PHLPP2: variants seen among roughly 807,000 people sequenced by gnomAD.
PHLPP2 encodes PH domain leucine-rich repeat-containing protein phosphatase 2.
PHLPP2 carries 66 observed loss-of-function variants against 124.9 expected under a neutral mutation model. The ratio of observed to expected loss-of-function variants is 0.53; its 90% CI spans 0.43 to 0.65. The LOEUF is 0.65. PHLPP2 is among the 30% of genes least tolerant of loss of function. The probability of loss-of-function intolerance (pLI) is 0.00; values close to 1 mark genes in which losing one functional copy is unlikely to be tolerated. For synonymous variants in PHLPP2, 681 were observed against 624.7 expected (o/e 1.09, Z -1.34); for missense variants, 1,685 against 1,600.4 (o/e 1.05, Z -0.90).
chr16:71,698,853 G>A (rs1241902948), intron 3 of PHLPP2, among the ~76,000 whole-genome samples: 5 of 152,152 alleles, frequency 3.3e-5, no homozygotes, highest in Non-Finnish European at 7.3e-5. Flanking sequence ...TCTCCAGCAA[G>A]ACTGATAACT....
chr16:71,669,440 T>C, intron 10 of PHLPP2, 70 bp from the exon 11 acceptor site: 4 of 1,126,308 alleles, frequency 3.6e-6, no homozygotes, highest in South Asian at 1.3e-5. Context: ...TAGGCTATAA[T>C]GTATCCATTA....
chr16:71,684,083 C>T (rs1162254350), intron 5 of PHLPP2, among the ~76,000 whole-genome samples: 1 of 151,406 alleles, frequency 6.6e-6, no homozygotes. Context: ...TGAGCCACTG[C>T]ACCCGGCCAT....
chr16:71,657,964 A>T (rs997614315), intron 15 of PHLPP2, among the ~76,000 whole-genome samples: 4 of 152,218 alleles, frequency 2.6e-5, no homozygotes, highest in African/African-American at 9.7e-5. Flanking sequence ...GATATTATAT[A>T]ATCTGTGCCA....
rs1011641462 is a variant in PHLPP2, at chr16:71,649,417, T to C, written c.3445A>G (p.Ser1149Gly). 1.2e-6 allele frequency: 2 copies of C among 1,614,026 alleles called. No homozygotes were observed. Among genetic ancestry groups the C allele is most frequent in the Admixed American group, 1.7e-5 (1 of 60,004 alleles). The change falls in exon 19 of 19, where the codon AGT (serine) becomes GGT (glycine). Residue 1149 changes from serine (S) to glycine (G), a missense_variant. By Grantham distance (56) the Ser-to-Gly change is moderately conservative. Coordinates refer to ENST00000568954, the MANE Select transcript of PHLPP2 (RefSeq NM_015020.3). The stretch of plus-strand genomic sequence containing the variant: ...CCCTCAACGGGCTGGTCATCATCAC[T>C]GTCCAGGCCGTTGTCAGACTGGTTA... ...SSNQSDNGLD[S>G]DDDQPVEGVI...
In PHLPP2 at chr16:71,646,124, A is replaced by G. The variant is rs1223058837; in HGVS notation, c.*2766T>C. On this transcript the variant is annotated 3_prime_UTR_variant, in exon 19 of 19. Transcript: ENST00000568954. ...CACATCCTCTGGGTAAAGTACTCGGAAGTAAATTACATTCACCTGGAGACA... is the reference window on the plus strand; with the variant it reads ...CACATCCTCTGGGTAAAGTACTCGGGAGTAAATTACATTCACCTGGAGACA... 6.5e-6 allele frequency: 1 copy of G among 152,680 alleles called. No individual in the cohort carries two copies. The highest frequency in any genetic ancestry group is 1.5e-5 in the Non-Finnish European group (1 of 68,050). 9.5% of individuals were successfully genotyped at this position (152,680 alleles called of 1,614,324 possible). A position where few individuals can be genotyped will look rare whatever the true frequency, so the allele number is the denominator to read the frequency against.
In PHLPP2 at chr16:71,719,646, G is replaced by C. The variant is rs536962385; in HGVS notation, c.-7+4683C>G. ...AAAAAAGAATCTCATGACACACACCGACATTAGTTGTAACTTCGTATCTTC... is the reference window on the plus strand; with the variant it reads ...AAAAAAGAATCTCATGACACACACCCACATTAGTTGTAACTTCGTATCTTC... On this transcript the variant is annotated intron_variant, in intron 1 of 18. Coordinates refer to ENST00000568954, the MANE Select transcript of PHLPP2 (RefSeq NM_015020.3). Among the ~76,000 whole-genome samples the C allele has an allele frequency of 1.9e-4, 29 of 150,232 alleles. No individual in the cohort carries two copies. The South Asian group carries it at 6.1e-3, about 31-fold the overall frequency.
At chr16:71,703,503 A>T (rs201250641) in intron 2 of PHLPP2, among the ~76,000 whole-genome samples, 13 of 38,758 alleles carry the variant, frequency 3.4e-4, no homozygotes, top group East Asian at 2.3e-3. Flanking sequence ...AAAAATATTT[A>T]AAAAAAAAAC....
chr16:71,663,357 C>T (rs558152414), intron 13 of PHLPP2, among the ~76,000 whole-genome samples: 3 of 152,322 alleles, frequency 2.0e-5, no homozygotes, highest in African/African-American at 4.8e-5. Context: ...GTGATCCGCC[C>T]GCCTTGGCCT....
At chr16:71,676,353 A>G in intron 9 of PHLPP2, 94 bp downstream of exon 9, 2 of 898,174 alleles carry the variant, frequency 2.2e-6, no homozygotes, top group Non-Finnish European at 3.5e-6. Flanking sequence ...CCCATCCTGC[A>G]GAGTGGCTGA....
chr16:71,692,625 T>G (rs566407494), intron 3 of PHLPP2, among the ~76,000 whole-genome samples: 60 of 152,276 alleles, frequency 3.9e-4, no homozygotes, highest in African/African-American at 1.4e-3. Flanking sequence ...TCCTTGGTAT[T>G]GGCAAGTGAT....
rs894759364 is a variant in PHLPP2 at position 71,667,168 on chromosome 16, T to C, written c.1784+10A>G. ...TTCTGCTCTTCCGAAAAAAATCCTA[T>C]GATACTTACTTTAAGGCCTTGGAGA... On this transcript the variant is annotated intron_variant, in intron 12 of 18. Transcript: ENST00000568954. The C allele has an allele frequency of 6.2e-7, 1 of 1,606,368 alleles. No homozygotes were observed. The highest frequency in any genetic ancestry group is 1.3e-5 in the African/African-American group (1 of 74,528).
At chr16:71,683,236 T>G (rs1011718218) in intron 5 of PHLPP2, among the ~76,000 whole-genome samples, 2 of 152,080 alleles carry the variant, frequency 1.3e-5, no homozygotes, top group Non-Finnish European at 2.9e-5. Context: ...TAACAATCTC[T>G]TATACAAAAT....
chr16:71,655,034 C>A, intron 17 of PHLPP2: 1 of 508,076 alleles, frequency 2.0e-6, no homozygotes, highest in Non-Finnish European at 3.5e-6. Context: ...TTGGATTCAA[C>A]AGAGAAAACA....
intron 2 of PHLPP2, among the ~76,000 whole-genome samples, chr16:71,707,302 G>T (rs932331592): frequency 6.6e-6 from 1 of 152,096 alleles, no homozygotes; most frequent in Non-Finnish European, 1.5e-5. Context: ...AAAGAATACA[G>T]CTGGTCTTTG....
intron 3 of PHLPP2, among the ~76,000 whole-genome samples, chr16:71,692,075 A>C (rs1380536146): frequency 6.8e-6 from 1 of 147,814 alleles, no homozygotes; most frequent in African/African-American, 2.5e-5. Flanking sequence ...TTATTACATA[A>C]TTTTTTTTTT....
chr16:71,699,384 C>G (rs1045505335), intron 3 of PHLPP2, among the ~76,000 whole-genome samples: 2 of 152,102 alleles, frequency 1.3e-5, no homozygotes, highest in African/African-American at 2.4e-5. Context: ...CCCATGAAGA[C>G]CCCAGACTCA....
chr16:71,688,202 G>A (rs2045072013), intron 4 of PHLPP2, among the ~76,000 whole-genome samples: 2 of 152,244 alleles, frequency 1.3e-5, no homozygotes, highest in East Asian at 3.9e-4. Flanking sequence ...AGTCCTTCCA[G>A]GAAACTTCTG....
intron 12 of PHLPP2, 138 bp from the exon 13 acceptor site, chr16:71,664,237 GT>G: frequency 1.5e-6 from 1 of 649,432 alleles, no homozygotes; most frequent in East Asian, 2.7e-5. Flanking sequence ...TCTCCACGTA[GT>G]TTTTCTCTAA....
intron 3 of PHLPP2, chr16:71,698,562 G>A (rs1025008597): frequency 1.5e-6 from 1 of 652,774 alleles, no homozygotes; most frequent in Non-Finnish European, 2.9e-6. Context: ...ACATCCATCT[G>A]AAAGGCCTGT....
Sources: allele counts gnomAD v4.1 joint callset (sites outside exome capture counted in the v4.1 genomes callset), GRCh38; gene constraint gnomAD v4.1.1; transcripts MANE v1.5; gene names NCBI Gene and HGNC (gene_info 2026-07-23, HGNC 2026-07-21).